The following CHSY1 variants were observed in gnomAD, a reference collection of about 807,000 sequenced individuals.
CHSY1 encodes the protein chondroitin sulfate synthase 1.
Under a neutral mutation model 59.8 loss-of-function variants are expected in CHSY1, and 13 were observed. The ratio of observed to expected loss-of-function variants is 0.22; its 90% CI spans 0.14 to 0.35. CHSY1 has a LOEUF of 0.35. Among genes scored for constraint, CHSY1 ranks in the 10% least tolerant of loss-of-function variants. The pLI is 1.00. For synonymous variants in CHSY1, 459 were observed against 401.2 expected, an observed-to-expected ratio of 1.14 and a Z score of -1.72; for missense variants, 947 against 1,030.6, an observed-to-expected ratio of 0.92 and a Z score of 1.11.
At chr15:101,240,529 C>G (rs1596454882) in intron 1 of CHSY1, among the ~76,000 whole-genome samples, 2 of 152,342 alleles carry the variant, frequency 1.3e-5, no homozygotes, top group South Asian at 2.1e-4. Context: ...AACCCTTGCT[C>G]AAGCCCAGAT....
In CHSY1 at chr15:101,218,772, T is replaced by C. The variant is rs139895309; in HGVS notation, c.816+16310A>G. ...CCTGCCTCAAAAACAAACCCCTCTATGAGGCCCAACAGCTGTCACTTGAAT... is the reference window on the plus strand; with the variant it reads ...CCTGCCTCAAAAACAAACCCCTCTACGAGGCCCAACAGCTGTCACTTGAAT... On this transcript the variant is annotated intron_variant, in intron 2 of 2. Coordinates refer to ENST00000254190, the MANE Select transcript of CHSY1 (RefSeq NM_014918.5). Among the ~76,000 whole-genome samples, 157 of 152,248 alleles carry C rather than the reference T, an allele frequency of 1.0e-3. 2 individuals carry two copies. In the East Asian group the frequency reaches 0.027, roughly 26 times the overall value.
At chr15:101,202,670 C>T (rs1012860139) in intron 2 of CHSY1, among the ~76,000 whole-genome samples, 4 of 152,160 alleles carry the variant, frequency 2.6e-5, no homozygotes, top group South Asian at 2.1e-4. Context: ...TGACCCCTTG[C>T]AGCACTCACT....
Position 101,178,581 on chromosome 15 carries a change from C to T in CHSY1, c.1216G>A (p.Asp406Asn). ...GMDSAQREAL[D>N]DIVMQVMEMI... The stretch of plus-strand genomic sequence containing the variant: ...TCCATGACCTGCATGACAATGTCGT[C>T]CAAGGCTTCCCTCTGGGCGGAGTCC... The change falls in exon 3 of 3, where the codon GAC becomes AAC. Residue 406 changes from aspartate (D) to asparagine (N), a missense_variant. Coordinates refer to ENST00000254190, the MANE Select transcript of CHSY1 (RefSeq NM_014918.5). The T allele has an allele frequency of 1.2e-6, 2 of 1,614,230 alleles. No individual in the cohort carries two copies. The highest frequency in any genetic ancestry group is 1.7e-6 in the Non-Finnish European group (2 of 1,180,042).
chr15:101,241,451 GA>G (rs1203291716), intron 1 of CHSY1, among the ~76,000 whole-genome samples: 1 of 152,106 alleles, frequency 6.6e-6, no homozygotes, highest in East Asian at 1.9e-4. Context: ...TTTAGAGCTG[GA>G]AAAAAAGTTT....
intron 2 of CHSY1, among the ~76,000 whole-genome samples, chr15:101,205,255 G>A (rs2038613608): frequency 6.6e-6 from 1 of 151,716 alleles, no homozygotes; most frequent in Non-Finnish European, 1.5e-5. Context: ...TTTGCCTGCT[G>A]TGCTGTGGGC....
At chr15:101,248,957 T>A (rs868059990) in intron 1 of CHSY1, among the ~76,000 whole-genome samples, 94 of 147,068 alleles carry the variant, frequency 6.4e-4, no homozygotes, top group Middle Eastern at 3.5e-3. Context: ...TGGCTAATTT[T>A]TTTTTTTTTT....
At chr15:101,185,124 G>A (rs2038338404) in intron 2 of CHSY1, among the ~76,000 whole-genome samples, 1 of 152,276 alleles carries the variant, frequency 6.6e-6, no homozygotes, top group African/African-American at 2.4e-5. Context: ...AATGGCTTTG[G>A]TGTAGAGGTA....
rs757711233 is a variant in CHSY1 at position 101,177,305 on chromosome 15, C to T, written c.*83G>A. The T allele has an allele frequency of 5.0e-4, 659 of 1,319,438 alleles. 2 individuals carry two copies. Among genetic ancestry groups the T allele is most frequent in the Middle Eastern group, 1.3e-3 (5 of 3,984 alleles). The allele number at this position is 1,319,438 out of a possible 1,614,324, so 81.7% of individuals were successfully genotyped here. On this transcript the variant is annotated 3_prime_UTR_variant, in exon 3 of 3. Coordinates refer to ENST00000254190, the MANE Select transcript of CHSY1 (RefSeq NM_014918.5). ...CACTTGTAAAATATATCCTTGTATACGGACTTCAAAAACTGATCATACAAA... is the reference window on the plus strand; with the variant it reads ...CACTTGTAAAATATATCCTTGTATATGGACTTCAAAAACTGATCATACAAA...
intron 2 of CHSY1, among the ~76,000 whole-genome samples, chr15:101,200,384 C>T (rs950957224): frequency 3.3e-5 from 5 of 152,228 alleles, no homozygotes; most frequent in African/African-American, 1.2e-4. Context: ...TGGCCTGCTT[C>T]TCACAGGCTG....
intron 2 of CHSY1, among the ~76,000 whole-genome samples, chr15:101,204,180 T>A (rs2038601278): frequency 6.6e-6 from 1 of 152,082 alleles, no homozygotes; most frequent in Non-Finnish European, 1.5e-5. Flanking sequence ...CACCTGTAAA[T>A]CCCAGCATTT....
rs1238527410 is a variant in CHSY1, at chr15:101,202,539, G to C, written c.817-23559C>G. ...GGAAGGATGGAGGGCATTTCTGCAG[G>C]GGGGGCAGTGGGATCTCAGACACAG... On this transcript the variant is annotated intron_variant, in intron 2 of 2. Coordinates refer to ENST00000254190, the MANE Select transcript of CHSY1 (RefSeq NM_014918.5). Among the ~76,000 whole-genome samples, 1,086 of 111,514 alleles carry C rather than the reference G, an allele frequency of 9.7e-3. 11 individuals are homozygous for C. The highest frequency in any genetic ancestry group is 0.013 in the Non-Finnish European group (712 of 53,824). The allele number at this position is 111,514 out of a possible 152,430, so 73.2% of individuals were successfully genotyped here. A position where few individuals can be genotyped will look rare whatever the true frequency, so the allele number is the denominator to read the frequency against.
chr15:101,251,003 G>A (rs886744437), intron 1 of CHSY1, 134 bp downstream of exon 1: 2 of 833,568 alleles, frequency 2.4e-6, no homozygotes, highest in East Asian at 2.9e-5. Flanking sequence ...CGTCTCCCGA[G>A]AGGCAACCCG....
intron 2 of CHSY1, among the ~76,000 whole-genome samples, chr15:101,227,342 C>A (rs970539750): frequency 1.3e-5 from 2 of 152,118 alleles, no homozygotes; most frequent in Non-Finnish European, 2.9e-5. Flanking sequence ...TTTATTTGAC[C>A]TGACTCAGAA....
chr15:101,240,712 A>AT (rs1169373083), intron 1 of CHSY1, among the ~76,000 whole-genome samples: 1 of 152,142 alleles, frequency 6.6e-6, no homozygotes, highest in Admixed American at 6.5e-5. Flanking sequence ...AGAGGTTGCG[A>AT]TTTTTTTGTG....
chr15:101,185,053 C>T (rs967186647), intron 2 of CHSY1, among the ~76,000 whole-genome samples: 3 of 152,218 alleles, frequency 2.0e-5, no homozygotes, highest in African/African-American at 7.2e-5. Context: ...TTAACCAAGA[C>T]CTGCCCAAAT....
intron 2 of CHSY1, among the ~76,000 whole-genome samples, chr15:101,209,222 C>A (rs1596443144): frequency 6.6e-6 from 1 of 152,308 alleles, no homozygotes; most frequent in East Asian, 1.9e-4. Flanking sequence ...AAAGAGAACA[C>A]AGCAACGCTT....
intron 2 of CHSY1, among the ~76,000 whole-genome samples, chr15:101,230,969 C>T (rs917972881): frequency 6.6e-6 from 1 of 152,184 alleles, no homozygotes; most frequent in South Asian, 2.1e-4. Flanking sequence ...TACTTACTGG[C>T]TAACTCAGAG....
intron 2 of CHSY1, among the ~76,000 whole-genome samples, chr15:101,220,520 A>G (rs555641947): frequency 6.6e-6 from 1 of 152,194 alleles, no homozygotes; most frequent in South Asian, 2.1e-4. Flanking sequence ...ACTTCTCACC[A>G]GTCACCTGGT....
At chr15:101,226,371 G>A (rs549135245) in intron 2 of CHSY1, among the ~76,000 whole-genome samples, 10 of 152,224 alleles carry the variant, frequency 6.6e-5, no homozygotes, top group Admixed American at 6.5e-5. Context: ...ACCCTATAAC[G>A]TAGACAATTT....
Sources: gnomAD v4.1 joint callset for allele counts (sites outside exome capture counted in the v4.1 genomes callset) on GRCh38, gnomAD v4.1.1 for gene constraint, MANE v1.5 for transcripts, NCBI Gene and HGNC (gene_info 2026-07-23, HGNC 2026-07-21) for gene names.